The following CACNA2D1 variants were observed in gnomAD, a reference collection of about 807,000 sequenced individuals.
The protein encoded by CACNA2D1 is voltage-dependent calcium channel subunit alpha-2/delta-1.
A neutral mutation model predicts 171.5 loss-of-function variants in CACNA2D1; 53 were observed. That is an observed-to-expected ratio of 0.31 (90% confidence interval 0.25 to 0.39). The LOEUF is 0.39. Among genes scored for constraint, CACNA2D1 ranks in the 10% least tolerant of loss-of-function variants. The pLI is 1.00. For synonymous variants in CACNA2D1, 442 were observed against 443.1 expected, an observed-to-expected ratio of 1.00 and a Z score of 0.03; for missense variants, 903 against 1,299.8, an observed-to-expected ratio of 0.69 and a Z score of 4.69.
intron 1 of CACNA2D1, among the ~76,000 whole-genome samples, chr7:82,350,119 C>T (rs111240111): frequency 3.9e-4 from 60 of 152,282 alleles, no homozygotes; most frequent in African/African-American, 1.3e-3. Context: ...TTTTAAAATT[C>T]ATTCACATAG....
intron 3 of CACNA2D1, among the ~76,000 whole-genome samples, chr7:82,310,072 G>A (rs1224690577): frequency 6.6e-6 from 1 of 151,816 alleles, no homozygotes; most frequent in African/African-American, 2.4e-5. Flanking sequence ...ATATGGTATA[G>A]AAAAGCTAAA....
chr7:82,007,069 T>C (rs1799192872), intron 16 of CACNA2D1, among the ~76,000 whole-genome samples: 1 of 151,570 alleles, frequency 6.6e-6, no homozygotes, highest in Non-Finnish European at 1.5e-5. Flanking sequence ...TAACAAATAA[T>C]AAGTACAAGA....
chr7:82,086,990 G>C (rs1179112623), intron 6 of CACNA2D1, among the ~76,000 whole-genome samples: 1 of 152,006 alleles, frequency 6.6e-6, no homozygotes, highest in Admixed American at 6.5e-5. Flanking sequence ...TTTCAGACAA[G>C]CCATTACTAA....
At chr7:82,433,522 T>C (rs1178961033) in intron 1 of CACNA2D1, among the ~76,000 whole-genome samples, 1 of 152,212 alleles carries the variant, frequency 6.6e-6, no homozygotes, top group Non-Finnish European at 1.5e-5. Context: ...ATTCCAACCA[T>C]CTGCTTTAAT....
intron 3 of CACNA2D1, among the ~76,000 whole-genome samples, chr7:82,201,997 G>A (rs1585084650): frequency 6.6e-6 from 1 of 152,176 alleles, no homozygotes; most frequent in East Asian, 1.9e-4. Context: ...TAAGGAAAAC[G>A]GATGGGCCAC....
chr7:82,347,444 A>C (rs1270304180), intron 2 of CACNA2D1, among the ~76,000 whole-genome samples: 1 of 152,110 alleles, frequency 6.6e-6, no homozygotes, highest in Admixed American at 6.6e-5. Flanking sequence ...AATGAATGTA[A>C]TTTGTAATTT....
chr7:82,243,672 G>T (rs1326415521), intron 3 of CACNA2D1, among the ~76,000 whole-genome samples: 1 of 152,104 alleles, frequency 6.6e-6, no homozygotes, highest in African/African-American at 2.4e-5. Flanking sequence ...AGGTGAACAG[G>T]CTGAAGTACA....
rs1172238878 is a variant in CACNA2D1, at chr7:82,149,780, AAAC to A, written c.355-13107_355-13105del. Among the ~76,000 whole-genome samples, 8 of 143,764 alleles carry A rather than the reference AAAC, an allele frequency of 5.6e-5. 1 individual carries two copies. The highest frequency in any genetic ancestry group is 1.5e-4 in the African/African-American group (6 of 39,252). 94.3% of individuals were successfully genotyped at this position (143,764 alleles called of 152,430 possible). On this transcript the variant is annotated intron_variant, in intron 4 of 38. Transcript: ENST00000356860. ...TGTCTCTACTAAAAATACAAAAAAAAAACAAACAAACAACAAAAAAAAAAACAT... is the reference window on the plus strand; with the variant it reads ...TGTCTCTACTAAAAATACAAAAAAAAAAACAAACAACAAAAAAAAAAACAT...
chr7:82,141,689 A>C (rs759010301), intron 4 of CACNA2D1, among the ~76,000 whole-genome samples: 4 of 152,220 alleles, frequency 2.6e-5, no homozygotes, highest in African/African-American at 9.6e-5. Flanking sequence ...TATGAAAAAT[A>C]TCTCATTATG....
chr7:82,388,390 GCT>G (rs1824672072), intron 1 of CACNA2D1, among the ~76,000 whole-genome samples: 1 of 152,174 alleles, frequency 6.6e-6, no homozygotes, highest in African/African-American at 2.4e-5. Context: ...GACCACGAAT[GCT>G]CTTTTCTGAG....
chr7:82,118,962 C>G (rs565009643), intron 5 of CACNA2D1, among the ~76,000 whole-genome samples: 64 of 152,180 alleles, frequency 4.2e-4, no homozygotes, highest in African/African-American at 5.1e-4. Context: ...CTGGAAACTA[C>G]TGTTCCTTAT....
intron 3 of CACNA2D1, among the ~76,000 whole-genome samples, chr7:82,171,801 A>C (rs1028373284): frequency 2.0e-5 from 3 of 152,106 alleles, no homozygotes; most frequent in African/African-American, 4.8e-5. Flanking sequence ...TCACTTATTA[A>C]GGTATAGAAA....
intron 3 of CACNA2D1, among the ~76,000 whole-genome samples, chr7:82,333,441 C>T (rs902869489): frequency 6.6e-6 from 1 of 151,922 alleles, no homozygotes; most frequent in Admixed American, 6.6e-5. Flanking sequence ...GAAGGCCTCA[C>T]AATCATGACG....
intron 3 of CACNA2D1, among the ~76,000 whole-genome samples, chr7:82,225,077 T>C (rs58101098): frequency 0.1 from 15,618 of 152,130 alleles, 1,456 homozygotes; most frequent in African/African-American, 0.25. Context: ...ACTACTTTGT[T>C]GAGAAAAAGG....
intron 6 of CACNA2D1, among the ~76,000 whole-genome samples, chr7:82,099,182 C>T (rs1405575672): frequency 2.0e-5 from 3 of 152,040 alleles, no homozygotes; most frequent in Non-Finnish European, 4.4e-5. Flanking sequence ...GTTTCACTGC[C>T]CTTTCCAAAT....
intron 5 of CACNA2D1, among the ~76,000 whole-genome samples, chr7:82,129,004 T>C (rs915860031): frequency 6.6e-6 from 1 of 152,216 alleles, no homozygotes; most frequent in Non-Finnish European, 1.5e-5. Context: ...CATTTTGTTT[T>C]TAGCTTTGTG....
chr7:81,970,565 C>A (rs2130433286), intron 27 of CACNA2D1, 110 bp downstream of exon 27: 1 of 752,472 alleles, frequency 1.3e-6, no homozygotes, highest in Non-Finnish European at 2.5e-6. Flanking sequence ...CCAATGTAAT[C>A]TAATGGCAAT....
intron 12 of CACNA2D1, among the ~76,000 whole-genome samples, chr7:82,031,324 TTAAA>T (rs903282395): frequency 1.3e-5 from 2 of 151,936 alleles, no homozygotes; most frequent in African/African-American, 4.8e-5. Flanking sequence ...GTAAGAGTTA[TTAAA>T]TAAAGATATG....
intron 1 of CACNA2D1, among the ~76,000 whole-genome samples, chr7:82,385,139 G>A (rs1824186775): frequency 6.6e-6 from 1 of 152,132 alleles, no homozygotes; most frequent in South Asian, 2.1e-4. Context: ...GCAAGCTACT[G>A]GAGGAGCACG....
Sources: gnomAD v4.1 joint callset for allele counts (sites outside exome capture counted in the v4.1 genomes callset) on GRCh38, gnomAD v4.1.1 for gene constraint, MANE v1.5 for transcripts, NCBI Gene and HGNC (gene_info 2026-07-23, HGNC 2026-07-21) for gene names.